Variants in DZANK1 observed in about 807,000 individuals in gnomAD.
DZANK1 encodes double zinc ribbon and ankyrin repeat domains 1, also known as double zinc ribbon and ankyrin repeat-containing protein 1.
DZANK1 carries 91 observed loss-of-function variants against 94.5 expected under a neutral mutation model. The observed-to-expected ratio is 0.96, with a 90% CI of 0.81 to 1.15. The LOEUF (loss-of-function observed/expected upper bound fraction) is 1.15. DZANK1 is among the 50% of genes most tolerant of loss of function. The pLI is 0.00. For missense variants in DZANK1, 903 were observed against 916.4 expected (o/e 0.99, Z 0.19); for synonymous variants, 312 against 325.3 (o/e 0.96, Z 0.44).
rs187293212 is a variant in DZANK1, at chr20:18,456,251, A to G, written c.264-890T>C. On this transcript the variant is annotated intron_variant, in intron 3 of 20. Coordinates refer to ENST00000262547, the Ensembl canonical transcript of DZANK1. Reference sequence around the variant, plus strand: ...TGGTAGATTCTGTAACTCAAATACTATCATGTTTTCCATTCATTCATAATA... The same window carrying G: ...TGGTAGATTCTGTAACTCAAATACTGTCATGTTTTCCATTCATTCATAATA... Among the ~76,000 whole-genome samples, 1,248 of 152,270 alleles carry G rather than the reference A, an allele frequency of 8.2e-3. 6 individuals are homozygous for G. Among genetic ancestry groups the G allele is most frequent in the Non-Finnish European group, 0.013 (906 of 68,030 alleles).
At chr20:18,445,630 C>T (rs981627813) in intron 7 of DZANK1, among the ~76,000 whole-genome samples, 4 of 152,180 alleles carry the variant, frequency 2.6e-5, no homozygotes, top group Non-Finnish European at 4.4e-5. Flanking sequence ...GCCACGTGTA[C>T]TGGCTCATAC....
At chr20:18,396,906 G>C (rs1318874072) in intron 14 of DZANK1, among the ~76,000 whole-genome samples, 2 of 152,172 alleles carry the variant, frequency 1.3e-5, no homozygotes, top group Non-Finnish European at 2.9e-5. Context: ...AGATATCCTG[G>C]TAGGGGGCGG....
At chr20:18,404,376 C>CT (rs1365852748) in intron 13 of DZANK1, among the ~76,000 whole-genome samples, 1 of 152,148 alleles carries the variant, frequency 6.6e-6, no homozygotes. Context: ...AAAGAGAGCC[C>CT]TGCCAAACCA....
intron 7 of DZANK1, among the ~76,000 whole-genome samples, chr20:18,448,781 C>T (rs567014976): frequency 5.0e-4 from 75 of 150,792 alleles, no homozygotes; most frequent in Non-Finnish European, 9.1e-4. Flanking sequence ...GCAGGAGAAT[C>T]GCTTGAACCC....
At chr20:18,398,217 A>G (rs2056460763) in intron 14 of DZANK1, 2 of 364,688 alleles carry the variant, frequency 5.5e-6, no homozygotes. Flanking sequence ...CACGATCTGG[A>G]TGGATTAAAT....
intron 8 of DZANK1, among the ~76,000 whole-genome samples, chr20:18,439,074 G>A (rs896516458): frequency 6.6e-6 from 1 of 152,182 alleles, no homozygotes; most frequent in African/African-American, 2.4e-5. Flanking sequence ...AGTCAGAGTT[G>A]AGGTTAAGGT....
At chr20:18,415,505 C>T (rs2057450280) in intron 10 of DZANK1, 56 bp from the exon 11 acceptor site, 1 of 1,321,478 alleles carries the variant, frequency 7.6e-7, no homozygotes, top group African/African-American at 1.5e-5. Flanking sequence ...TCTAATCCCC[C>T]TCCCAATTCA....
chr20:18,453,661 A>G, intron 5 of DZANK1, 70 bp downstream of exon 5: 1 of 1,079,388 alleles, frequency 9.3e-7, no homozygotes, highest in Non-Finnish European at 1.4e-6. Flanking sequence ...AAAACATGCA[A>G]CGAACATGCC....
intron 10 of DZANK1, among the ~76,000 whole-genome samples, chr20:18,416,886 G>A (rs956778308): frequency 2.0e-5 from 3 of 152,066 alleles, no homozygotes; most frequent in Admixed American, 1.3e-4. Flanking sequence ...TGGCATAAAG[G>A]TTGCTGACCT....
At chr20:18,462,340 C>T (rs1014240640) in intron 2 of DZANK1, among the ~76,000 whole-genome samples, 1 of 151,982 alleles carries the variant, frequency 6.6e-6, no homozygotes, top group African/African-American at 2.4e-5. Context: ...GGAGGTGAAG[C>T]AGGGATAAGT....
chr20:18,438,403 G>T (rs1322003024), intron 8 of DZANK1, among the ~76,000 whole-genome samples: 1 of 151,918 alleles, frequency 6.6e-6, no homozygotes, highest in Non-Finnish European at 1.5e-5. Context: ...TATTCAGAAT[G>T]GATAAAAAAG....
intron 13 of DZANK1, among the ~76,000 whole-genome samples, chr20:18,404,865 T>C (rs905413118): frequency 6.6e-6 from 1 of 151,976 alleles, no homozygotes; most frequent in Non-Finnish European, 1.5e-5. Flanking sequence ...TCAGCTATAA[T>C]TGCACCACTG....
intron 8 of DZANK1, among the ~76,000 whole-genome samples, chr20:18,440,792 C>A (rs1355547463): frequency 6.6e-6 from 1 of 152,204 alleles, no homozygotes; most frequent in African/African-American, 2.4e-5. Flanking sequence ...ACAAGGGTAA[C>A]AAGACTGTCA....
At chr20:18,402,237 T>C (rs1236225705) in intron 13 of DZANK1, among the ~76,000 whole-genome samples, 2 of 151,884 alleles carry the variant, frequency 1.3e-5, no homozygotes, top group Non-Finnish European at 2.9e-5. Flanking sequence ...CAGGCAGTTG[T>C]TAAACTTTCT....
rs1296165874 is a variant in DZANK1, at chr20:18,404,915, G to GAA, written c.1433-6291_1433-6290dup. Among the ~76,000 whole-genome samples, 455 of 129,406 alleles carry GAA rather than the reference G, an allele frequency of 3.5e-3. 5 individuals are homozygous for GAA. In the South Asian group the frequency reaches 0.053, roughly 15 times the overall value. 84.9% of individuals were successfully genotyped at this position (129,406 alleles called of 152,430 possible). ...TGACAGAGCAAGACCTTGACTCTTA[G>GAA]AAAAAAAAAAAAATAGAAGAAATTA... is the stretch of plus-strand genomic sequence containing the variant. On this transcript the variant is annotated intron_variant, in intron 13 of 20. Coordinates refer to ENST00000262547, the Ensembl canonical transcript of DZANK1.
At chr20:18,387,693 A>T (rs1195657654) in intron 19 of DZANK1, among the ~76,000 whole-genome samples, 3 of 152,202 alleles carry the variant, frequency 2.0e-5, no homozygotes, top group Non-Finnish European at 4.4e-5. Context: ...TTGGTGGAGG[A>T]TGTGAATTTC....
intron 17 of DZANK1, among the ~76,000 whole-genome samples, chr20:18,391,251 T>C (rs1186932127): frequency 6.6e-6 from 1 of 152,058 alleles, no homozygotes; most frequent in East Asian, 1.9e-4. Context: ...TTTTTTTCTC[T>C]GAGATGGAGT....
Position 18,408,676 on chromosome 20 carries a change from C to A in DZANK1, c.1432+3970G>T, listed in dbSNP as rs137890132. On this transcript the variant is annotated intron_variant, in intron 13 of 20. Coordinates refer to ENST00000262547, the Ensembl canonical transcript of DZANK1. Reference sequence around the variant, plus strand: ...AATAGTATATGTCTGGCAAAAATATCTTTCAAACATGAAGGAGAAACAAAG... The same window carrying A: ...AATAGTATATGTCTGGCAAAAATATATTTCAAACATGAAGGAGAAACAAAG... Among the ~76,000 whole-genome samples the A allele has an allele frequency of 6.6e-5, 10 of 152,230 alleles. No homozygotes were observed. The East Asian group carries it at 1.7e-3, about 26-fold the overall frequency.
intron 19 of DZANK1, among the ~76,000 whole-genome samples, chr20:18,386,253 G>T (rs1335815218): frequency 6.6e-6 from 1 of 152,140 alleles, no homozygotes; most frequent in Non-Finnish European, 1.5e-5. Context: ...TCCTAGCCTG[G>T]GAGTAGCTCC....
Sources: allele counts gnomAD v4.1 joint callset (sites outside exome capture counted in the v4.1 genomes callset), GRCh38; gene constraint gnomAD v4.1.1; transcripts MANE v1.5; gene names NCBI Gene and HGNC (gene_info 2026-07-23, HGNC 2026-07-21).